Variants in SCAI observed in about 807,000 individuals in gnomAD.
SCAI encodes protein SCAI.
SCAI carries 24 observed loss-of-function variants against 92.2 expected under a neutral mutation model. The observed-to-expected ratio is 0.26, with a 90% CI of 0.19 to 0.37. SCAI has a LOEUF of 0.37. SCAI is among the 10% of genes least tolerant of loss of function. SCAI has a pLI of 1.00. For synonymous variants in SCAI, 261 were observed against 258.6 expected (o/e 1.01, Z -0.09); for missense variants, 450 against 736.2 (o/e 0.61, Z 4.50).
chr9:124,951,370 T>G lies in SCAI; in HGVS notation c.*1437A>C, dbSNP rs1479030063. 6.6e-6 allele frequency: 1 copy of G among 152,104 alleles called. No individual in the cohort carries two copies. Among genetic ancestry groups the G allele is most frequent in the Non-Finnish European group, 1.5e-5 (1 of 68,066 alleles). The allele number at this position is 152,104 out of a possible 1,614,324, so 9.4% of individuals were successfully genotyped here. A position where few individuals can be genotyped will look rare whatever the true frequency, so the allele number is the denominator to read the frequency against. ...AAATACAAAAATTAGCCAGGCATGG[T>G]GGCGGGCACCTGTAATCCCAGCTAC... On this transcript the variant is annotated 3_prime_UTR_variant, in exon 18 of 18. Transcript: ENST00000336505.
At chr9:124,959,338 T>G (rs113600107) in intron 17 of SCAI, among the ~76,000 whole-genome samples, 256 of 146,250 alleles carry the variant, frequency 1.8e-3, no homozygotes, top group African/African-American at 4.8e-3. Context: ...CCCCTACATA[T>G]CCATCAGAAT....
Position 125,020,732 on chromosome 9 carries a change from T to C in SCAI, c.550A>G (p.Arg184Gly). Residue 184 changes from arginine to glycine, a missense_variant, in exon 7 of 18, where the codon AGA (arginine) becomes GGA (glycine). By Grantham distance (125) the Arg-to-Gly change is moderately radical. Transcript: ENST00000336505. Reference sequence around the variant, plus strand: ...AGAAGAAGACAAACTACTATAAATCTTGCATAATATCGTAACTTCTTAACT... The same window carrying C: ...AGAAGAAGACAAACTACTATAAATCCTGCATAATATCGTAACTTCTTAACT... ...LVVKKLRYYA[R>G]FIVVCLLLNK... is the part of the protein sequence containing the mutation. 1 of 1,528,232 alleles carries C rather than the reference T, an allele frequency of 6.5e-7. No individual in the cohort carries two copies. The highest frequency in any genetic ancestry group is 1.2e-5 in the South Asian group (1 of 83,352). 94.7% of individuals were successfully genotyped at this position (1,528,232 alleles called of 1,614,324 possible). A position where few individuals can be genotyped will look rare whatever the true frequency, so the allele number is the denominator to read the frequency against.
chr9:125,118,777 A>C (rs1835102779), intron 2 of SCAI, among the ~76,000 whole-genome samples: 1 of 151,654 alleles, frequency 6.6e-6, no homozygotes, highest in Non-Finnish European at 1.5e-5. Flanking sequence ...TTCAGCTCCC[A>C]CTTATGAGTG....
At chr9:124,994,286 C>T (rs1245349679) in intron 14 of SCAI, among the ~76,000 whole-genome samples, 2 of 152,146 alleles carry the variant, frequency 1.3e-5, no homozygotes, top group African/African-American at 4.8e-5. Flanking sequence ...CTGCCCGCCT[C>T]GGCCTCCCAA....
At chr9:124,971,904 T>G in intron 15 of SCAI, 60 bp from the exon 16 acceptor site, 1 of 958,042 alleles carries the variant, frequency 1.0e-6, no homozygotes, top group Admixed American at 3.0e-5. Flanking sequence ...AAGAGATACA[T>G]ATGAGGAACA....
intron 2 of SCAI, among the ~76,000 whole-genome samples, chr9:125,069,356 C>T (rs1349614859): frequency 4.0e-5 from 6 of 148,896 alleles, no homozygotes; most frequent in African/African-American, 4.9e-5. Context: ...CTTGCTCTGT[C>T]GCCCAGGCTG....
intron 3 of SCAI, among the ~76,000 whole-genome samples, chr9:125,036,853 G>A (rs1324121553): frequency 6.6e-6 from 1 of 152,228 alleles, no homozygotes; most frequent in African/African-American, 2.4e-5. Context: ...GGGCATGATG[G>A]CTCATGCCTG....
intron 2 of SCAI, among the ~76,000 whole-genome samples, chr9:125,141,531 A>G (rs1306628523): frequency 1.2e-4 from 18 of 152,238 alleles, no homozygotes. Flanking sequence ...CTTCATCTCC[A>G]TTACTCAAGG....
At chr9:125,057,230 T>C (rs1316009760) in intron 2 of SCAI, among the ~76,000 whole-genome samples, 1 of 152,008 alleles carries the variant, frequency 6.6e-6, no homozygotes, top group Non-Finnish European at 1.5e-5. Context: ...GTTGAACAAA[T>C]AAATAAGCTA....
rs117938769 is a variant in SCAI, at chr9:124,999,862, A to G, written c.1244+29T>C. On this transcript the variant is annotated intron_variant, in intron 13 of 17. Coordinates refer to ENST00000336505, the MANE Select transcript of SCAI (RefSeq NM_001144877.3). ...ATTTATAGACAGAGGTATAATTTTT[A>G]TAATAAGAGTAGACACCAGAATACA... The G allele has an allele frequency of 3.6e-3, 4,027 of 1,128,760 alleles. 16 individuals carry two copies. The highest frequency in any genetic ancestry group is 0.011 in the Middle Eastern group (56 of 5,114). 69.9% of individuals were successfully genotyped at this position (1,128,760 alleles called of 1,614,324 possible). A position where few individuals can be genotyped will look rare whatever the true frequency, so the allele number is the denominator to read the frequency against.
At chr9:124,995,158 G>A (rs1426589787) in intron 13 of SCAI, 143 bp from the exon 14 acceptor site, 2 of 566,018 alleles carry the variant, frequency 3.5e-6, no homozygotes, top group Admixed American at 3.3e-5. Flanking sequence ...GGGAAAAAAA[G>A]CCTGTATTTA....
At chr9:124,965,032 T>C (rs1032553474) in intron 17 of SCAI, among the ~76,000 whole-genome samples, 1 of 152,010 alleles carries the variant, frequency 6.6e-6, no homozygotes, top group African/African-American at 2.4e-5. Flanking sequence ...AAAGGTACTT[T>C]CTGGGAACTT....
intron 2 of SCAI, among the ~76,000 whole-genome samples, chr9:125,121,435 A>G (rs1163981062): frequency 1.3e-5 from 2 of 151,914 alleles, no homozygotes; most frequent in African/African-American, 4.8e-5. Flanking sequence ...ACACATCCTT[A>G]TGCAAAGGCT....
intron 2 of SCAI, among the ~76,000 whole-genome samples, chr9:125,076,554 AAAAG>A (rs1275369445): frequency 3.3e-5 from 5 of 150,106 alleles, no homozygotes; most frequent in South Asian, 4.2e-4. Context: ...AAAAAACAAA[AAAAG>A]AAAGAAAGAA....
intron 2 of SCAI, among the ~76,000 whole-genome samples, chr9:125,134,825 C>A (rs1370838353): frequency 6.6e-6 from 1 of 152,064 alleles, no homozygotes; most frequent in Admixed American, 6.6e-5. Context: ...TACAGGCATG[C>A]GCCACCACGC....
At chr9:125,084,099 AT>A (rs906522203) in intron 2 of SCAI, among the ~76,000 whole-genome samples, 4 of 146,646 alleles carry the variant, frequency 2.7e-5, no homozygotes, top group African/African-American at 7.6e-5. Context: ...AGTAAAAAAA[AT>A]TTTTTTTAAC....
At chr9:125,080,978 T>C (rs1304342727) in intron 2 of SCAI, among the ~76,000 whole-genome samples, 1 of 152,240 alleles carries the variant, frequency 6.6e-6, no homozygotes, top group Non-Finnish European at 1.5e-5. Flanking sequence ...GGAGTTCCCC[T>C]GTACAAGTTA....
At chr9:125,097,277 A>T (rs1180973807) in intron 2 of SCAI, among the ~76,000 whole-genome samples, 1 of 152,066 alleles carries the variant, frequency 6.6e-6, no homozygotes, top group Non-Finnish European at 1.5e-5. Flanking sequence ...TAATAAAAAT[A>T]CAAAAATTAG....
intron 9 of SCAI, among the ~76,000 whole-genome samples, chr9:125,013,797 C>T (rs968521384): frequency 5.7e-4 from 86 of 152,066 alleles, no homozygotes; most frequent in African/African-American, 1.9e-3. Flanking sequence ...ACTGGCAAAC[C>T]GAATCCAGCA....
Sources: allele counts gnomAD v4.1 joint callset (sites outside exome capture counted in the v4.1 genomes callset), GRCh38; gene constraint gnomAD v4.1.1; transcripts MANE v1.5; gene names NCBI Gene and HGNC (gene_info 2026-07-23, HGNC 2026-07-21).